CHRNA1: variants seen among roughly 807,000 people sequenced by gnomAD.
The protein encoded by CHRNA1 is cholinergic receptor nicotinic alpha 1 subunit.
Under a neutral mutation model 47.1 loss-of-function variants are expected in CHRNA1, and 35 were observed. That is an observed-to-expected ratio of 0.74 (90% CI 0.57 to 0.99). The LOEUF is 0.99. CHRNA1 is among the 50% of genes least tolerant of loss of function. CHRNA1 has a pLI of 0.00. For missense variants in CHRNA1, 506 were observed against 591.1 expected (o/e 0.86, Z 1.49); for synonymous variants, 229 against 223.6 (o/e 1.02, Z -0.22).
At position 174,748,751 on chromosome 2, in the gene CHRNA1, T is replaced by C. The variant is rs1278454430; in HGVS notation, c.1071A>G (p.Gln357=). ...STMKRPSREK[Q]DKKIFTEDID... ...TGTCTTCTGTAAAAATCTTTTTGTC[T>C]TGCTTTTCTCTGGATGGTCTTTTCA... Residue 357 remains glutamine, a synonymous_variant, in exon 8 of 9, where the codon CAA becomes CAG. Transcript: ENST00000348749. 3 of 1,614,238 alleles carry C rather than the reference T, an allele frequency of 1.9e-6. No individual in the cohort carries two copies. The Admixed American group carries it at 5.0e-5, about 27-fold the overall frequency.
At chr2:174,753,862 C>T in intron 5 of CHRNA1, 122 bp from the exon 6 acceptor site, 1 of 907,594 alleles carries the variant, frequency 1.1e-6, no homozygotes, top group South Asian at 1.4e-5. Flanking sequence ...CCAGGAGGGA[C>T]TGTGGGACAC....
intron 4 of CHRNA1, among the ~76,000 whole-genome samples, chr2:174,756,987 T>G (rs574215709): frequency 6.6e-6 from 1 of 152,312 alleles, no homozygotes; most frequent in East Asian, 1.9e-4. Flanking sequence ...TTTCACAACA[T>G]GCAGTCTGTC....
intron 4 of CHRNA1, 98 bp downstream of exon 4, chr2:174,757,468 C>T: frequency 4.7e-6 from 4 of 852,346 alleles, no homozygotes; most frequent in Admixed American, 3.9e-5. Context: ...TTAACATTAG[C>T]AGTGGTGAGA....
intron 6 of CHRNA1, among the ~76,000 whole-genome samples, chr2:174,751,762 T>C (rs1339621638): frequency 6.6e-6 from 1 of 151,420 alleles, no homozygotes; most frequent in Non-Finnish European, 1.5e-5. Context: ...CACTGCAACC[T>C]CCGCCTCCAG....
chr2:174,757,946 C>T (rs1434867453), intron 3 of CHRNA1: 1 of 1,504,078 alleles, frequency 6.6e-7, no homozygotes, highest in Admixed American at 1.7e-5. Flanking sequence ...GATTACTGAC[C>T]TCATTCTGCA....
At chr2:174,754,882 C>CTTTTTTT (rs34233623) in intron 4 of CHRNA1, among the ~76,000 whole-genome samples, 2 of 120,400 alleles carry the variant, frequency 1.7e-5, no homozygotes, top group African/African-American at 7.0e-5. Flanking sequence ...GCCTACTACT[C>CTTTTTTT]TTTTTTTTTT....
chr2:174,762,986 T>C (rs1375666598), intron 1 of CHRNA1, among the ~76,000 whole-genome samples: 1 of 152,178 alleles, frequency 6.6e-6, no homozygotes, highest in Non-Finnish European at 1.5e-5. Context: ...TTTCTGACTG[T>C]GCATGTAATA....
intron 1 of CHRNA1, among the ~76,000 whole-genome samples, chr2:174,759,849 G>T (rs1365969606): frequency 1.3e-5 from 2 of 151,868 alleles, no homozygotes; most frequent in African/African-American, 4.8e-5. Flanking sequence ...TGACAGTGGG[G>T]TGTGCCAGGT....
intron 4 of CHRNA1, among the ~76,000 whole-genome samples, chr2:174,756,939 C>T (rs1385672724): frequency 6.6e-6 from 1 of 152,146 alleles, no homozygotes; most frequent in Non-Finnish European, 1.5e-5. Flanking sequence ...TGCTAATGAA[C>T]GTGTCATTAG....
intron 3 of CHRNA1, among the ~76,000 whole-genome samples, chr2:174,758,280 G>A (rs1684024322): frequency 6.6e-6 from 1 of 151,992 alleles, no homozygotes; most frequent in South Asian, 2.1e-4. Flanking sequence ...GTGGTGGTAG[G>A]CGCCTGTAGT....
At chr2:174,754,892 T>C (rs1455055284) in intron 4 of CHRNA1, among the ~76,000 whole-genome samples, 1 of 149,372 alleles carries the variant, frequency 6.7e-6, no homozygotes, top group Non-Finnish European at 1.5e-5. Flanking sequence ...CTTTTTTTTT[T>C]TTTTTTTTTT....
chr2:174,754,910 GA>G (rs1683950629), intron 4 of CHRNA1, among the ~76,000 whole-genome samples: 1 of 140,224 alleles, frequency 7.1e-6, no homozygotes, highest in Non-Finnish European at 1.5e-5. Flanking sequence ...TTTTGAGATG[GA>G]ATCTCGCTTT....
intron 1 of CHRNA1, 95 bp from the exon 2 acceptor site, chr2:174,759,728 A>T (rs534235507): frequency 6.6e-7 from 1 of 1,524,400 alleles, no homozygotes; most frequent in African/African-American, 1.4e-5. Context: ...CATAAGCCTC[A>T]GTTCCTTCTA....
intron 1 of CHRNA1, among the ~76,000 whole-genome samples, 161 bp downstream of exon 1, chr2:174,764,191 C>A (rs1057462938): frequency 2.6e-5 from 4 of 152,176 alleles, no homozygotes; most frequent in Admixed American, 1.3e-4. Context: ...TCCAAAAACT[C>A]AATCAAGCTA....
In CHRNA1 at chr2:174,759,751, C is replaced by T. The variant is rs76603995; in HGVS notation, c.44-118G>A. On this transcript the variant is annotated intron_variant, in intron 1 of 8. Coordinates refer to ENST00000348749, the MANE Select transcript of CHRNA1 (RefSeq NM_000079.4). ...TCAGTTCCTTCTAACAGAAGGCACA[C>T]AGGCCTCCTTGTTGAAAGGCTCCCA... 0.06 allele frequency: 79,992 copies of T among 1,337,896 alleles called. 3,461 individuals carry two copies. The highest frequency in any genetic ancestry group is 0.2 in the South Asian group (16,076 of 81,150). The allele number at this position is 1,337,896 out of a possible 1,614,324, so 82.9% of individuals were successfully genotyped here. A position where few individuals can be genotyped will look rare whatever the true frequency, so the allele number is the denominator to read the frequency against.
At chr2:174,759,080 G>T (rs1430171599) in intron 3 of CHRNA1, among the ~76,000 whole-genome samples, 4 of 152,018 alleles carry the variant, frequency 2.6e-5, no homozygotes, top group African/African-American at 4.8e-5. Flanking sequence ...AGAGCTATGA[G>T]ATGATAAATT....
intron 5 of CHRNA1, 67 bp downstream of exon 5, chr2:174,754,152 G>A: frequency 1.4e-6 from 2 of 1,449,104 alleles, no homozygotes; most frequent in Non-Finnish European, 1.9e-6. Flanking sequence ...GATTGTCCAA[G>A]GAAAAGTTGG....
rs1418897483 is a variant in CHRNA1, at chr2:174,759,649, A to C, written c.44-16T>G. On this transcript the variant is annotated splice_polypyrimidine_tract_variant and intron_variant, in intron 1 of 8. Transcript: ENST00000348749. ...ACGAGGCCAGCTGAGACAGCAGATG[A>C]CACCAACACTGTCAGATTCTTCTCC... 1 of 1,611,960 alleles carries C rather than the reference A, an allele frequency of 6.2e-7. No individual in the cohort carries two copies. The highest frequency in any genetic ancestry group is 8.5e-7 in the Non-Finnish European group (1 of 1,179,876).
intron 1 of CHRNA1, among the ~76,000 whole-genome samples, chr2:174,761,686 G>A (rs1574013178): frequency 6.6e-6 from 1 of 152,162 alleles, no homozygotes; most frequent in African/African-American, 2.4e-5. Flanking sequence ...GATTTCACAT[G>A]ACATTTCCCT....
Sources: allele counts gnomAD v4.1 joint callset (sites outside exome capture counted in the v4.1 genomes callset), GRCh38; gene constraint gnomAD v4.1.1; transcripts MANE v1.5; gene names NCBI Gene and HGNC (gene_info 2026-07-23, HGNC 2026-07-21).